Variants in IGF2BP3 observed in about 807,000 individuals in gnomAD.
The protein encoded by IGF2BP3 is insulin-like growth factor 2 mRNA-binding protein 3.
Under a neutral mutation model 73.8 loss-of-function variants are expected in IGF2BP3, and 9 were observed. The ratio of observed to expected loss-of-function variants is 0.12; its 90% CI spans 0.07 to 0.21. The LOEUF (loss-of-function observed/expected upper bound fraction) is 0.21. Ranked by LOEUF, IGF2BP3 falls within the 10% of genes least tolerant of loss-of-function variation. The pLI, the probability that IGF2BP3 is intolerant of heterozygous loss-of-function variation, is 1.00. For missense variants in IGF2BP3, 542 were observed against 714.0 expected (o/e 0.76, Z 2.75); for synonymous variants, 258 against 256.7 (o/e 1.01, Z -0.05).
At chr7:23,459,692 G>A (rs1788400066) in intron 2 of IGF2BP3, among the ~76,000 whole-genome samples, 1 of 152,034 alleles carries the variant, frequency 6.6e-6, no homozygotes, top group African/African-American at 2.4e-5. Context: ...TTAGCTGGGT[G>A]TGGTGGTGTG....
In IGF2BP3 at chr7:23,468,537, T is replaced by G. The variant is rs1163032464; in HGVS notation, c.181A>C (p.Ile61Leu). 1 of 1,614,160 alleles carries G rather than the reference T, an allele frequency of 6.2e-7. No homozygotes were observed. Among genetic ancestry groups the G allele is most frequent in the East Asian group, 2.2e-5 (1 of 44,882 alleles). ...TCTATGGGTTTCCCGTGCAGTTCTA[T>G]TTTACCTGCGGACACACAAGAAGTG... ...LKAIEALSGKIELHGKPIEVE... is the reference protein window; with the variant it reads ...LKAIEALSGKLELHGKPIEVE... The change falls in exon 2 of 15, where the codon ATA becomes CTA. Residue 61 changes from isoleucine (I) to leucine (L), a missense_variant. By Grantham distance (5) the Ile-to-Leu change is conservative (BLOSUM62 2). Transcript: ENST00000258729.
chr7:23,361,954 A>T (rs996908638), intron 3 of IGF2BP3, among the ~76,000 whole-genome samples: 2 of 152,124 alleles, frequency 1.3e-5, no homozygotes, highest in African/African-American at 4.8e-5. Flanking sequence ...CATTAATCTC[A>T]TTTCCTATGG....
rs565982574 is a variant in IGF2BP3 at position 23,447,888 on chromosome 7, G to A, written c.236+20594C>T. On this transcript the variant is annotated intron_variant, in intron 2 of 14. Transcript: ENST00000258729. Reference sequence around the variant, plus strand: ...TTTGGCTACTCAGGAGACTGAGGTGGGAGGATCCCTTGAGTCCAGGAGTTC... The same window carrying A: ...TTTGGCTACTCAGGAGACTGAGGTGAGAGGATCCCTTGAGTCCAGGAGTTC... Among the ~76,000 whole-genome samples, 5 of 152,132 alleles carry A rather than the reference G, an allele frequency of 3.3e-5. No individual in the cohort carries two copies. The South Asian group carries it at 1.0e-3, about 31-fold the overall frequency.
chr7:23,332,499 G>T (rs961678130), intron 10 of IGF2BP3, among the ~76,000 whole-genome samples: 2 of 152,206 alleles, frequency 1.3e-5, no homozygotes, highest in African/African-American at 4.8e-5. Context: ...ACATACATCA[G>T]AAGAAGACTT....
In IGF2BP3 at chr7:23,468,553, A is replaced by C. The variant is rs754406792; in HGVS notation, c.176-11T>G. On this transcript the variant is annotated splice_polypyrimidine_tract_variant and intron_variant, in intron 1 of 14. Coordinates refer to ENST00000258729, the MANE Select transcript of IGF2BP3 (RefSeq NM_006547.3). ...GCAGTTCTATTTTACCTGCGGACAC[A>C]CAAGAAGTGAGACGGTCGGCCGAGT... 1 of 1,614,000 alleles carries C rather than the reference A, an allele frequency of 6.2e-7. No homozygotes were observed. The highest frequency in any genetic ancestry group is 8.5e-7 in the Non-Finnish European group (1 of 1,179,880).
At chr7:23,412,833 G>C (rs902620585) in intron 3 of IGF2BP3, among the ~76,000 whole-genome samples, 2 of 119,784 alleles carry the variant, frequency 1.7e-5, no homozygotes, top group Admixed American at 9.5e-5. Flanking sequence ...CTTTCCTTAA[G>C]ACTCTGGCCT....
chr7:23,340,857 T>C (rs952424146), intron 10 of IGF2BP3, among the ~76,000 whole-genome samples: 11 of 147,104 alleles, frequency 7.5e-5, no homozygotes, highest in Admixed American at 4.0e-4. Flanking sequence ...TTCTTTTTTT[T>C]TTTTTTTTCC....
intron 5 of IGF2BP3, among the ~76,000 whole-genome samples, chr7:23,353,212 T>C (rs1785011307): frequency 6.6e-6 from 1 of 152,138 alleles, no homozygotes; most frequent in Non-Finnish European, 1.5e-5. Context: ...TCTAGTTGCT[T>C]GGTGTGGTCA....
intron 10 of IGF2BP3, among the ~76,000 whole-genome samples, chr7:23,321,008 G>T (rs1216425769): frequency 6.6e-6 from 1 of 151,144 alleles, no homozygotes; most frequent in African/African-American, 2.4e-5. Flanking sequence ...AACCCAGTAT[G>T]TATACCCAAT....
chr7:23,370,804 A>G (rs983931500), intron 3 of IGF2BP3, among the ~76,000 whole-genome samples: 4 of 151,898 alleles, frequency 2.6e-5, no homozygotes, highest in African/African-American at 9.7e-5. Context: ...CAGCCTCCCG[A>G]GAAGCTGGGA....
chr7:23,311,363 T>C lies in IGF2BP3; in HGVS notation c.*999A>G, dbSNP rs1562661057. 2.0e-5 allele frequency: 3 copies of C among 152,640 alleles called. No homozygotes were observed. The highest frequency in any genetic ancestry group is 4.4e-5 in the Non-Finnish European group (3 of 68,044). 9.5% of individuals were successfully genotyped at this position (152,640 alleles called of 1,614,324 possible). A position where few individuals can be genotyped will look rare whatever the true frequency, so the allele number is the denominator to read the frequency against. ...CTGATGCACTTTCTTTAGGTATTGA[T>C]AGTCAGAAGCACAAAGCATTTATTA... On this transcript the variant is annotated 3_prime_UTR_variant, in exon 15 of 15. Coordinates refer to ENST00000258729, the MANE Select transcript of IGF2BP3 (RefSeq NM_006547.3).
At chr7:23,312,965 G>T (rs1783874257) in intron 13 of IGF2BP3, 117 bp from the exon 14 acceptor site, 1 of 631,914 alleles carries the variant, frequency 1.6e-6, no homozygotes, top group African/African-American at 1.9e-5. Flanking sequence ...ATTTAATCCA[G>T]TGGTAATTCC....
At chr7:23,419,191 G>C (rs183034920) in intron 2 of IGF2BP3, among the ~76,000 whole-genome samples, 1 of 152,170 alleles carries the variant, frequency 6.6e-6, no homozygotes, top group Non-Finnish European at 1.5e-5. Flanking sequence ...TACTCTGACC[G>C]TTACAGCTAA....
chr7:23,387,118 T>C (rs887384079), intron 3 of IGF2BP3, among the ~76,000 whole-genome samples: 3 of 151,578 alleles, frequency 2.0e-5, no homozygotes, highest in South Asian at 2.1e-4. Flanking sequence ...GGTAGGTAGG[T>C]TGGTTGGTTA....
intron 3 of IGF2BP3, among the ~76,000 whole-genome samples, chr7:23,417,671 T>C (rs141612225): frequency 3.3e-5 from 5 of 152,208 alleles, no homozygotes; most frequent in South Asian, 2.1e-4. Context: ...ATATTTAATA[T>C]GGCTCATCTT....
intron 2 of IGF2BP3, among the ~76,000 whole-genome samples, chr7:23,442,916 AC>A (rs1787969414): frequency 6.6e-6 from 1 of 152,094 alleles, no homozygotes; most frequent in Non-Finnish European, 1.5e-5. Flanking sequence ...GTACCATAAA[AC>A]CAGGTAACTA....
In IGF2BP3 at chr7:23,312,395, C is replaced by G; in HGVS notation, c.1707G>C (p.Leu569=). 1 of 1,613,382 alleles carries G rather than the reference C, an allele frequency of 6.2e-7. No individual in the cohort carries two copies. The highest frequency in any genetic ancestry group is 8.5e-7 in the Non-Finnish European group (1 of 1,179,928). Residue 569 remains leucine (L), a synonymous_variant, in exon 15 of 15, where the codon CTG becomes CTC. Coordinates refer to ENST00000258729, the MANE Select transcript of IGF2BP3 (RefSeq NM_006547.3). ...QVKQHQQQKA[L]QSGPPQSRRK is the part of the protein sequence containing the mutation. ...GTCTTGACTGAGGTGGTCCACTTTGCAGAGCCTTCTGTTGTTGGTGCTGCT... is the reference window on the plus strand; with the variant it reads ...GTCTTGACTGAGGTGGTCCACTTTGGAGAGCCTTCTGTTGTTGGTGCTGCT...
intron 3 of IGF2BP3, among the ~76,000 whole-genome samples, chr7:23,401,116 C>A (rs972863542): frequency 6.6e-6 from 1 of 152,138 alleles, no homozygotes; most frequent in Non-Finnish European, 1.5e-5. Context: ...AATTGTTAAA[C>A]CATGATTGAA....
At chr7:23,320,100 TAGGGTTTCACCATGTTGGCC>T (rs1470553064) in intron 10 of IGF2BP3, among the ~76,000 whole-genome samples, 3 of 150,788 alleles carry the variant, frequency 2.0e-5, no homozygotes, top group African/African-American at 7.3e-5. Context: ...TTTGTAGAGA[TAGGGTTTCACCATGTTGGCC>T]AGGCTGGTCT....
Sources: allele counts gnomAD v4.1 joint callset (sites outside exome capture counted in the v4.1 genomes callset), GRCh38; gene constraint gnomAD v4.1.1; transcripts MANE v1.5; gene names NCBI Gene and HGNC (gene_info 2026-07-23, HGNC 2026-07-21).